LUZP2: variants seen among roughly 807,000 people sequenced by gnomAD.
LUZP2 encodes the protein leucine zipper protein 2.
In LUZP2, 52 loss-of-function variants were observed where a neutral mutation model predicts 51.6. The ratio of observed to expected loss-of-function variants is 1.01; its 90% confidence interval spans 0.81 to 1.27. LUZP2 has a LOEUF of 1.27. Ranked by LOEUF, LUZP2 falls within the 50% of genes most tolerant of loss-of-function variation. The probability of loss-of-function intolerance (pLI) is 0.00; values close to 1 mark genes in which losing one functional copy is unlikely to be tolerated. For synonymous variants in LUZP2, 154 were observed against 137.3 expected (o/e 1.12, Z -0.85); for missense variants, 436 against 395.4 (o/e 1.10, Z -0.87).
intron 1 of LUZP2, among the ~76,000 whole-genome samples, chr11:24,722,283 G>T (rs1858304201): frequency 6.6e-6 from 1 of 152,112 alleles, no homozygotes; most frequent in African/African-American, 2.4e-5. Context: ...CTGATACTGG[G>T]TAATTTATAC....
chr11:24,582,273 G>A (rs2133823852), intron 1 of LUZP2, among the ~76,000 whole-genome samples: 1 of 147,418 alleles, frequency 6.8e-6, no homozygotes, highest in African/African-American at 2.5e-5. Flanking sequence ...TTTAAAAGGA[G>A]TGTGGCTCTC....
intron 1 of LUZP2, among the ~76,000 whole-genome samples, chr11:24,530,416 T>TATATGTGTACACACACATAC (rs1850956109): frequency 1.3e-5 from 2 of 150,832 alleles, no homozygotes; most frequent in Non-Finnish European, 1.5e-5. Context: ...CACACACATA[T>TATATGTGTACACACACATAC]ATATGTGTAC....
rs59250216 is a variant in LUZP2, at chr11:24,648,170, C to G, written c.63-80999C>G. ...TTATTTCGATATTCCTAAAGCTTGT[C>G]TTGCCTTATCTTTATAAACTTAGAC... On this transcript the variant is annotated intron_variant, in intron 1 of 11. Coordinates refer to ENST00000336930, the MANE Select transcript of LUZP2 (RefSeq NM_001009909.4). Among the ~76,000 whole-genome samples, 615 of 152,038 alleles carry G rather than the reference C, an allele frequency of 4.0e-3. 4 individuals are homozygous for G. The highest frequency in any genetic ancestry group is 0.014 in the African/African-American group (579 of 41,542).
At chr11:24,596,406 C>G (rs564165749) in intron 1 of LUZP2, among the ~76,000 whole-genome samples, 3 of 152,236 alleles carry the variant, frequency 2.0e-5, no homozygotes, top group African/African-American at 7.2e-5. Context: ...TTGAACTAAA[C>G]TTAATGAGAG....
At chr11:25,035,271 C>A (rs1272968552) in intron 9 of LUZP2, among the ~76,000 whole-genome samples, 1 of 151,980 alleles carries the variant, frequency 6.6e-6, no homozygotes, top group Non-Finnish European at 1.5e-5. Flanking sequence ...TAATATGATT[C>A]TTTACTTAGA....
chr11:24,833,169 G>A (rs1215529702), intron 5 of LUZP2, among the ~76,000 whole-genome samples: 1 of 152,118 alleles, frequency 6.6e-6, no homozygotes, highest in Non-Finnish European at 1.5e-5. Context: ...ACAAATTATA[G>A]TTCCTTAAAA....
At chr11:25,017,113 A>G (rs1857182173) in intron 9 of LUZP2, among the ~76,000 whole-genome samples, 2 of 151,966 alleles carry the variant, frequency 1.3e-5, no homozygotes. Flanking sequence ...CCACTTTTCA[A>G]TGGGATTATT....
At chr11:24,889,886 T>C (rs1315268877) in intron 5 of LUZP2, among the ~76,000 whole-genome samples, 2 of 152,206 alleles carry the variant, frequency 1.3e-5, no homozygotes, top group Admixed American at 1.3e-4. Flanking sequence ...ATCTATGTTG[T>C]GGAGTGACAG....
intron 9 of LUZP2, among the ~76,000 whole-genome samples, chr11:24,995,900 G>A (rs1207843509): frequency 2.0e-5 from 3 of 151,852 alleles, no homozygotes; most frequent in Middle Eastern, 3.4e-3. Context: ...TCTAAATTCA[G>A]TGTTAGTGCT....
At chr11:24,651,763 G>C (rs556209660) in intron 1 of LUZP2, among the ~76,000 whole-genome samples, 26 of 152,178 alleles carry the variant, frequency 1.7e-4, no homozygotes, top group Admixed American at 9.2e-4. Flanking sequence ...TCTCCATAAT[G>C]TGGGTAGGCC....
chr11:24,982,485 A>G (rs1856066320), intron 8 of LUZP2, among the ~76,000 whole-genome samples: 1 of 151,900 alleles, frequency 6.6e-6, no homozygotes, highest in Non-Finnish European at 1.5e-5. Flanking sequence ...GGAGTCTATT[A>G]TCCTTAGAAA....
At chr11:24,838,354 T>C (rs1296249347) in intron 5 of LUZP2, among the ~76,000 whole-genome samples, 1 of 151,606 alleles carries the variant, frequency 6.6e-6, no homozygotes, top group African/African-American at 2.4e-5. Flanking sequence ...TGTGTCTCAG[T>C]TTATCTTAAT....
intron 5 of LUZP2, among the ~76,000 whole-genome samples, chr11:24,767,647 G>C (rs191601961): frequency 6.6e-6 from 1 of 152,098 alleles, no homozygotes; most frequent in South Asian, 2.1e-4. Context: ...ATCAAGCAAC[G>C]ATAACGTCAC....
At chr11:24,687,216 T>A (rs1351556552) in intron 1 of LUZP2, among the ~76,000 whole-genome samples, 2 of 145,448 alleles carry the variant, frequency 1.4e-5, no homozygotes, top group African/African-American at 5.1e-5. Context: ...CATAAAATGA[T>A]CATTGATTTT....
At chr11:24,954,848 A>T (rs1157869533) in intron 7 of LUZP2, among the ~76,000 whole-genome samples, 1 of 152,258 alleles carries the variant, frequency 6.6e-6, no homozygotes, top group East Asian at 1.9e-4. Flanking sequence ...CTAAAATGAT[A>T]TTCGTAGTGC....
At chr11:24,531,738 A>C (rs1175129222) in intron 1 of LUZP2, among the ~76,000 whole-genome samples, 1 of 150,894 alleles carries the variant, frequency 6.6e-6, no homozygotes, top group East Asian at 1.9e-4. Context: ...TTAACATCTC[A>C]ACTTGGATGC....
intron 5 of LUZP2, among the ~76,000 whole-genome samples, chr11:24,874,777 G>C (rs1257243972): frequency 2.0e-5 from 3 of 151,992 alleles, no homozygotes; most frequent in Non-Finnish European, 2.9e-5. Flanking sequence ...GCTAATTAAC[G>C]TTATTACTGA....
At chr11:24,921,415 C>T (rs1422360567) in intron 7 of LUZP2, among the ~76,000 whole-genome samples, 6 of 152,068 alleles carry the variant, frequency 3.9e-5, no homozygotes, top group Admixed American at 6.6e-5. Flanking sequence ...ATGTTCTGAA[C>T]ACCTGGTGTT....
intron 5 of LUZP2, among the ~76,000 whole-genome samples, chr11:24,831,064 A>G (rs1305615642): frequency 1.3e-5 from 2 of 152,180 alleles, no homozygotes; most frequent in African/African-American, 4.8e-5. Flanking sequence ...CAAACTCAAG[A>G]GTTCTGTTTC....
Sources: allele counts gnomAD v4.1 joint callset (sites outside exome capture counted in the v4.1 genomes callset), GRCh38; gene constraint gnomAD v4.1.1; transcripts MANE v1.5; gene names NCBI Gene and HGNC (gene_info 2026-07-23, HGNC 2026-07-21).